Variants in DAB1 observed in about 807,000 individuals in gnomAD.
DAB1 encodes disabled homolog 1.
Under a neutral mutation model 64.6 loss-of-function variants are expected in DAB1, and 15 were observed. That is an observed-to-expected ratio of 0.23 (90% CI 0.16 to 0.36). The LOEUF (loss-of-function observed/expected upper bound fraction) is 0.36, where lower values mean the gene tolerates loss of function less well. Ranked by LOEUF, DAB1 falls within the 10% of genes least tolerant of loss-of-function variation. DAB1 has a pLI of 1.00. For synonymous variants in DAB1, 235 were observed against 251.9 expected, an observed-to-expected ratio of 0.93 and a Z score of 0.64; for missense variants, 596 against 706.7, an observed-to-expected ratio of 0.84 and a Z score of 1.78.
intron 1 of DAB1, among the ~76,000 whole-genome samples, chr1:57,310,773 T>G (rs1416552409): frequency 6.6e-6 from 1 of 152,228 alleles, no homozygotes; most frequent in Non-Finnish European, 1.5e-5. Context: ...AAGGGTTTAA[T>G]AGTTTCATTT....
chr1:57,562,727 C>T (rs1481943424), intron 7 of DAB1, among the ~76,000 whole-genome samples: 2 of 152,220 alleles, frequency 1.3e-5, no homozygotes, highest in Admixed American at 1.3e-4. Flanking sequence ...CATGACATTA[C>T]ATTCTGCTGA....
chr1:57,574,863 A>G (rs550391754), intron 7 of DAB1, among the ~76,000 whole-genome samples: 7 of 152,262 alleles, frequency 4.6e-5, no homozygotes, highest in Admixed American at 2.0e-4. Flanking sequence ...TGGAAACACA[A>G]TCACACAGCC....
Position 57,298,953 on chromosome 1 carries a change from T to C in DAB1, c.-136-7787A>G, listed in dbSNP as rs539705181. Among the ~76,000 whole-genome samples the C allele has an allele frequency of 2.6e-5, 4 of 152,362 alleles. No homozygotes were observed. In the South Asian group the frequency reaches 8.3e-4, roughly 32 times the overall value. On this transcript the variant is annotated intron_variant, in intron 1 of 14. Transcript: ENST00000371236. ...AAAGAAAACTGCCTATCAGTTTTCA[T>C]GAAATTGACACCGTGGTATCACAAA... is the stretch of plus-strand genomic sequence containing the variant.
chr1:57,469,846 C>T (rs1687080963), intron 7 of DAB1, among the ~76,000 whole-genome samples: 1 of 152,148 alleles, frequency 6.6e-6, no homozygotes, highest in Non-Finnish European at 1.5e-5. Context: ...TGATTTCCTT[C>T]TTGGAGATTC....
intron 5 of DAB1, among the ~76,000 whole-genome samples, chr1:58,118,207 G>A (rs1048701324): frequency 1.3e-5 from 2 of 151,042 alleles, no homozygotes; most frequent in African/African-American, 2.4e-5. Flanking sequence ...CACCGCACCC[G>A]GTCAGGCCTT....
intron 1 of DAB1, among the ~76,000 whole-genome samples, chr1:57,832,200 G>A (rs1253116937): frequency 2.6e-5 from 4 of 152,206 alleles, no homozygotes; most frequent in African/African-American, 9.6e-5. Context: ...AATGGCATCT[G>A]AGCTGATGTC....
chr1:58,426,840 A>G (rs2100232076), intron 3 of DAB1, among the ~76,000 whole-genome samples: 1 of 152,340 alleles, frequency 6.6e-6, no homozygotes, highest in Non-Finnish European at 1.5e-5. Context: ...TTACATGGTG[A>G]TAAGTGCTAT....
intron 6 of DAB1, among the ~76,000 whole-genome samples, chr1:57,709,141 C>T (rs1010923184): frequency 3.9e-5 from 6 of 151,964 alleles, no homozygotes; most frequent in African/African-American, 1.5e-4. Flanking sequence ...AACATTTGGT[C>T]CTATTCTCCC....
chr1:58,060,030 G>C (rs148843191), intron 5 of DAB1: 1 of 152,534 alleles, frequency 6.6e-6, no homozygotes, highest in Non-Finnish European at 1.5e-5. Context: ...GTGCAGGGGA[G>C]GGCACACCAA....
intron 6 of DAB1, among the ~76,000 whole-genome samples, chr1:57,756,174 A>T (rs1023190066): frequency 9.9e-5 from 15 of 152,204 alleles, no homozygotes; most frequent in African/African-American, 3.6e-4. Flanking sequence ...GGCTGCCTAT[A>T]CACCAAAACA....
At chr1:58,035,258 T>G (rs1647027230) in intron 5 of DAB1, among the ~76,000 whole-genome samples, 1 of 152,214 alleles carries the variant, frequency 6.6e-6, no homozygotes, top group South Asian at 2.1e-4. Context: ...CAACCCCAGG[T>G]GAGCTACCCC....
chr1:58,088,231 A>G (rs2100605718), intron 5 of DAB1, among the ~76,000 whole-genome samples: 1 of 152,310 alleles, frequency 6.6e-6, no homozygotes, highest in Admixed American at 6.5e-5. Flanking sequence ...TCACCTCCGA[A>G]GGTTAGGGTA....
intron 5 of DAB1, among the ~76,000 whole-genome samples, chr1:57,975,066 G>A (rs1645887710): frequency 6.6e-6 from 1 of 152,120 alleles, no homozygotes; most frequent in Non-Finnish European, 1.5e-5. Flanking sequence ...GGCATTAAGA[G>A]GTGGGACCTT....
At chr1:58,318,074 G>A (rs1662598599) in intron 4 of DAB1, among the ~76,000 whole-genome samples, 1 of 152,178 alleles carries the variant, frequency 6.6e-6, no homozygotes, top group Non-Finnish European at 1.5e-5. Flanking sequence ...TAGGAAAAAA[G>A]GAGAGAACAA....
intron 7 of DAB1, among the ~76,000 whole-genome samples, chr1:57,461,152 A>G (rs1686766996): frequency 6.6e-6 from 1 of 152,178 alleles, no homozygotes; most frequent in African/African-American, 2.4e-5. Flanking sequence ...AACTCTCCTC[A>G]TGGCTGACTC....
intron 3 of DAB1, among the ~76,000 whole-genome samples, chr1:58,364,520 T>C (rs1644197638): frequency 6.6e-6 from 1 of 152,212 alleles, no homozygotes; most frequent in African/African-American, 2.4e-5. Flanking sequence ...AATAGCTTAA[T>C]ACCTGGCACA....
At chr1:57,758,811 A>G (rs1284894784) in intron 6 of DAB1, among the ~76,000 whole-genome samples, 2 of 152,204 alleles carry the variant, frequency 1.3e-5, no homozygotes, top group African/African-American at 4.8e-5. Flanking sequence ...ATAAAGAAAG[A>G]AATGTACAGG....
intron 6 of DAB1, among the ~76,000 whole-genome samples, chr1:57,819,293 CAG>C (rs1218523947): frequency 1.3e-5 from 2 of 152,238 alleles, no homozygotes; most frequent in Non-Finnish European, 2.9e-5. Flanking sequence ...TGCATCCAGA[CAG>C]GGGTAGAAAC....
intron 6 of DAB1, among the ~76,000 whole-genome samples, chr1:57,810,421 T>C (rs1651565005): frequency 6.6e-6 from 1 of 152,024 alleles, no homozygotes; most frequent in Admixed American, 6.6e-5. Context: ...TTAGGAAGTG[T>C]GCATATGTGA....
Sources: allele counts gnomAD v4.1 joint callset (sites outside exome capture counted in the v4.1 genomes callset), GRCh38; gene constraint gnomAD v4.1.1; transcripts MANE v1.5; gene names NCBI Gene and HGNC (gene_info 2026-07-23, HGNC 2026-07-21).